Variants in PARD3B observed in about 807,000 individuals in gnomAD.
The protein encoded by PARD3B is par-3 family cell polarity regulator beta, also known as partitioning defective 3 homolog B.
Under a neutral mutation model 130.2 loss-of-function variants are expected in PARD3B, and 103 were observed. That is an observed-to-expected ratio of 0.79 (90% CI 0.67 to 0.93). PARD3B has a LOEUF of 0.93. PARD3B is among the 40% of genes least tolerant of loss of function. The pLI is 0.00. For synonymous variants in PARD3B, 583 were observed against 553.2 expected (o/e 1.05, Z -0.76); for missense variants, 1,609 against 1,499.2 (o/e 1.07, Z -1.21).
At chr2:205,190,040 GCA>G (rs2036309572) in intron 14 of PARD3B, among the ~76,000 whole-genome samples, 2 of 152,164 alleles carry the variant, frequency 1.3e-5, no homozygotes, top group African/African-American at 4.8e-5. Context: ...TATGTACAGT[GCA>G]GCCTTTTATT....
chr2:204,726,376 A>G (rs1400341808), intron 2 of PARD3B, among the ~76,000 whole-genome samples: 1 of 152,194 alleles, frequency 6.6e-6, no homozygotes, highest in Non-Finnish European at 1.5e-5. Flanking sequence ...ATGGCACCCT[A>G]GAAGTTGGAG....
intron 1 of PARD3B, among the ~76,000 whole-genome samples, chr2:204,595,892 CAAA>C (rs1025895105): frequency 1.3e-5 from 2 of 152,146 alleles, no homozygotes; most frequent in African/African-American, 4.8e-5. Context: ...TTCAGTGAAA[CAAA>C]GAAGTAGAAT....
At chr2:205,106,224 C>T (rs970592699) in intron 5 of PARD3B, among the ~76,000 whole-genome samples, 6 of 151,734 alleles carry the variant, frequency 4.0e-5, no homozygotes, top group Admixed American at 2.0e-4. Flanking sequence ...CTCGGCTCAC[C>T]GCAACCTCCG....
chr2:205,288,912 T>C lies in PARD3B; in HGVS notation c.2186-11618T>C, dbSNP rs1322862348. On this transcript the variant is annotated intron_variant, in intron 16 of 22. Transcript: ENST00000406610. This position sits in a 1 kb window ranked among gnomAD's most constrained non-coding sequence, Gnocchi z 4.0. ...TACTCCAGCCCTTAACTGTGCTCTA[T>C]GTCAGCATTCTTGGTACGTGGTTTG... 6.6e-6 allele frequency among the ~76,000 whole-genome samples: 1 copy of C among 152,230 alleles called. No homozygotes were observed. The highest frequency in any genetic ancestry group is 6.5e-5 in the Admixed American group (1 of 15,286).
chr2:205,554,340 A>C (rs2052785298), intron 22 of PARD3B, among the ~76,000 whole-genome samples: 1 of 152,144 alleles, frequency 6.6e-6, no homozygotes, highest in South Asian at 2.1e-4. Context: ...CCTCTGTGTG[A>C]TTTTACAAAA....
intron 20 of PARD3B, among the ~76,000 whole-genome samples, chr2:205,448,750 A>C (rs1179211330): frequency 6.6e-6 from 1 of 152,176 alleles, no homozygotes; most frequent in South Asian, 2.1e-4. Context: ...TCAGTTAGCT[A>C]TTAATCTAGT....
chr2:205,168,320 A>AGAGAGAGAGAGAGAGTGTGT (rs371904121), intron 11 of PARD3B, among the ~76,000 whole-genome samples: 9 of 119,692 alleles, frequency 7.5e-5, no homozygotes, highest in South Asian at 2.7e-4. Context: ...AGAGAGAGAG[A>AGAGAGAGAGAGAGAGTGTGT]GTGTGTGTGT....
chr2:204,556,554 A>G (rs111759306), intron 1 of PARD3B, among the ~76,000 whole-genome samples: 2,437 of 152,294 alleles, frequency 0.016, 76 homozygotes, highest in African/African-American at 0.056. Flanking sequence ...GAAAAGTGAG[A>G]TAAGACATTC....
intron 2 of PARD3B, among the ~76,000 whole-genome samples, chr2:204,771,382 G>T (rs1250471424): frequency 6.6e-6 from 1 of 152,074 alleles, no homozygotes; most frequent in African/African-American, 2.4e-5. Context: ...CTTTCAGGGA[G>T]CCTTGGTCCT....
intron 3 of PARD3B, among the ~76,000 whole-genome samples, chr2:205,026,377 T>A (rs1320047500): frequency 6.6e-6 from 1 of 152,216 alleles, no homozygotes; most frequent in Non-Finnish European, 1.5e-5. Context: ...GTCTTTTTTC[T>A]ATTTTATTTT....
intron 20 of PARD3B, among the ~76,000 whole-genome samples, chr2:205,469,318 C>T (rs2048743919): frequency 6.6e-6 from 1 of 152,138 alleles, no homozygotes; most frequent in Non-Finnish European, 1.5e-5. Context: ...GTCTTGCCTC[C>T]TAGTCAGCAC....
chr2:205,336,746 G>C (rs118117211), intron 18 of PARD3B, among the ~76,000 whole-genome samples: 1 of 152,190 alleles, frequency 6.6e-6, no homozygotes, highest in Admixed American at 6.5e-5. Context: ...ACAGTGCACA[G>C]TAACCATTAA....
intron 2 of PARD3B, among the ~76,000 whole-genome samples, chr2:204,712,805 C>G (rs2038520873): frequency 6.6e-6 from 1 of 152,064 alleles, no homozygotes; most frequent in Non-Finnish European, 1.5e-5. Flanking sequence ...GTGCTGCCCT[C>G]CAGTCATAGT....
At chr2:205,451,873 A>T (rs2048115890) in intron 20 of PARD3B, among the ~76,000 whole-genome samples, 1 of 152,170 alleles carries the variant, frequency 6.6e-6, no homozygotes, top group Non-Finnish European at 1.5e-5. Context: ...ATTAATATTG[A>T]CTAGAGTCAC....
At chr2:205,393,680 C>A (rs1181278016) in intron 18 of PARD3B, among the ~76,000 whole-genome samples, 1 of 152,110 alleles carries the variant, frequency 6.6e-6, no homozygotes, top group Admixed American at 6.5e-5. Flanking sequence ...AGTGTGTGCA[C>A]TAAGAGGATG....
At position 205,352,343 on chromosome 2, in the gene PARD3B, C is replaced by G. The variant is rs2044025108; in HGVS notation, c.2631-48670C>G. Among the ~76,000 whole-genome samples, 1 of 152,098 alleles carries G rather than the reference C, an allele frequency of 6.6e-6. No individual in the cohort carries two copies. Among genetic ancestry groups the G allele is most frequent in the South Asian group, 2.1e-4 (1 of 4,814 alleles). On this transcript the variant is annotated intron_variant, in intron 18 of 22. Transcript: ENST00000406610. This position sits in a 1 kb window ranked among gnomAD's most constrained non-coding sequence, Gnocchi z 5.2. ...TATTTATTTCAGATTTTTGTGGTTT[C>G]TCATGTCGTGGATTACAGGGACTCT...
intron 2 of PARD3B, among the ~76,000 whole-genome samples, chr2:204,740,773 A>G (rs1447792853): frequency 6.6e-6 from 1 of 152,210 alleles, no homozygotes; most frequent in African/African-American, 2.4e-5. Context: ...CACAGATTTC[A>G]TACATGACAG....
intron 1 of PARD3B, among the ~76,000 whole-genome samples, chr2:204,626,799 A>G (rs983628887): frequency 1.3e-5 from 2 of 152,062 alleles, no homozygotes; most frequent in African/African-American, 4.8e-5. Context: ...TTTTCCCCCA[A>G]CATTTTCTAT....
At chr2:205,540,337 A>G (rs1478883899) in intron 21 of PARD3B, among the ~76,000 whole-genome samples, 1 of 151,756 alleles carries the variant, frequency 6.6e-6, no homozygotes, top group Non-Finnish European at 1.5e-5. Flanking sequence ...CAATTATCAT[A>G]TTTCACGGGA....
Sources: allele counts gnomAD v4.1 joint callset (sites outside exome capture counted in the v4.1 genomes callset), GRCh38; gene constraint gnomAD v4.1.1; non-coding constraint Gnocchi (gnomAD v3.1); transcripts MANE v1.5; gene names NCBI Gene and HGNC (gene_info 2026-07-23, HGNC 2026-07-21).